Variants in HDGFL2 observed in about 807,000 individuals in gnomAD.
The protein encoded by HDGFL2 is hepatoma-derived growth factor-related protein 2.
Under a neutral mutation model 77.1 loss-of-function variants are expected in HDGFL2, and 36 were observed. The ratio of observed to expected loss-of-function variants is 0.47; its 90% CI spans 0.36 to 0.62. The LOEUF is 0.62. Among genes scored for constraint, HDGFL2 ranks in the 20% least tolerant of loss-of-function variants. The pLI is 0.00. For missense variants in HDGFL2, 976 were observed against 973.4 expected (o/e 1.00, Z -0.04); for synonymous variants, 463 against 413.1 (o/e 1.12, Z -1.46).
At chr19:4,472,919 G>A (rs1180141514) in intron 1 of HDGFL2, among the ~76,000 whole-genome samples, 1 of 150,858 alleles carries the variant, frequency 6.6e-6, no homozygotes, top group African/African-American at 2.4e-5. Flanking sequence ...CTGGGCCTCA[G>A]GGGGCCGCGC....
Position 4,501,176 on chromosome 19 carries a change from C to T in HDGFL2, c.1790-15C>T. 6.2e-7 allele frequency: 1 copy of T among 1,612,894 alleles called. No homozygotes were observed. The highest frequency in any genetic ancestry group is 8.5e-7 in the Non-Finnish European group (1 of 1,179,722). ...GGAGCCCAGCAGTGTCCTGTGACCC[C>T]TCTGTCCCACCCAGATCTCTCAGCC... is the stretch of plus-strand genomic sequence containing the variant. On this transcript the variant is annotated splice_polypyrimidine_tract_variant and intron_variant, in intron 14 of 15. Coordinates refer to ENST00000616600, the MANE Select transcript of HDGFL2 (RefSeq NM_001001520.3).
chr19:4,501,361 G>A lies in HDGFL2; in HGVS notation c.1916+44G>A, dbSNP rs370290706. Reference sequence around the variant, plus strand: ...GGGGTTTGGACTCCTGAGCGGCAGCGGTGTGACGCGCACCCTGGGTCCGAG... The same window carrying A: ...GGGGTTTGGACTCCTGAGCGGCAGCAGTGTGACGCGCACCCTGGGTCCGAG... On this transcript the variant is annotated intron_variant, in intron 15 of 15. Transcript: ENST00000616600. The A allele has an allele frequency of 2.9e-4, 443 of 1,545,536 alleles. 4 individuals are homozygous for A. The highest frequency in any genetic ancestry group is 1.5e-3 in the Middle Eastern group (7 of 4,520).
chr19:4,474,330 G>A (rs1975015724), intron 1 of HDGFL2, among the ~76,000 whole-genome samples: 1 of 152,166 alleles, frequency 6.6e-6, no homozygotes, highest in Admixed American at 6.5e-5. Flanking sequence ...CTTGGGAGAA[G>A]CGGGGCTGTG....
chr19:4,501,583 G>A lies in HDGFL2; in HGVS notation c.1916+266G>A, dbSNP rs544088227. 2.7e-4 allele frequency: 128 copies of A among 480,140 alleles called. 1 individual carries two copies. The South Asian group carries it at 4.0e-3, about 15-fold the overall frequency. The allele number at this position is 480,140 out of a possible 1,614,324, so 29.7% of individuals were successfully genotyped here. ...TGGCTTCTTGCCGAGCCTCCAGGGT[G>A]GCCCAGGTAGGTAGGCCCCGAGCAC... On this transcript the variant is annotated intron_variant, in intron 15 of 15. Transcript: ENST00000616600.
At chr19:4,487,537 G>A (rs1387008260) in intron 3 of HDGFL2, among the ~76,000 whole-genome samples, 3 of 152,166 alleles carry the variant, frequency 2.0e-5, no homozygotes, top group South Asian at 2.1e-4. Context: ...GATTACAGGC[G>A]TGAGCCACCA....
rs1040951798 is a variant in HDGFL2, at chr19:4,491,559, C to A, written c.490-7C>A. ...ATCACTGAGCATTCAGGCCGTTCCC[C>A]TTCCAGATGTCGGTCTCGAAACGAG... On this transcript the variant is annotated splice_polypyrimidine_tract_variant and splice_region_variant and intron_variant, in intron 4 of 15. Coordinates refer to ENST00000616600, the MANE Select transcript of HDGFL2 (RefSeq NM_001001520.3). 6.2e-7 allele frequency: 1 copy of A among 1,613,206 alleles called. No individual in the cohort carries two copies. Among genetic ancestry groups the A allele is most frequent in the Non-Finnish European group, 8.5e-7 (1 of 1,179,578 alleles).
chr19:4,488,585 C>T (rs118167352), intron 3 of HDGFL2, 91 bp from the exon 4 acceptor site: 12,934 of 1,139,780 alleles, frequency 0.011, 105 homozygotes, highest in Non-Finnish European at 0.014. Flanking sequence ...CAGGATCCCG[C>T]ATGTGGTTGC....
intron 4 of HDGFL2, among the ~76,000 whole-genome samples, chr19:4,490,850 C>T (rs1160129629): frequency 6.7e-6 from 1 of 149,756 alleles, no homozygotes; most frequent in African/African-American, 2.5e-5. Flanking sequence ...TCACTCTTGT[C>T]ACCCAGGCTG....
intron 4 of HDGFL2, among the ~76,000 whole-genome samples, chr19:4,490,181 G>A (rs567417307): frequency 9.2e-5 from 14 of 152,220 alleles, no homozygotes; most frequent in African/African-American, 2.9e-4. Context: ...TCCACCTCCC[G>A]GGTTCAAGCA....
Position 4,494,227 on chromosome 19 carries a change from G to A in HDGFL2, c.976G>A (p.Glu326Lys), listed in dbSNP as rs910101282. 13 of 1,463,730 alleles carry A rather than the reference G, an allele frequency of 8.9e-6. No homozygotes were observed. Among genetic ancestry groups the A allele is most frequent in the South Asian group, 1.4e-5 (1 of 71,770 alleles). The allele number at this position is 1,463,730 out of a possible 1,614,324, so 90.7% of individuals were successfully genotyped here. ...GCGGCGGGACGAGGCGCGGAGGCGC[G>A]AGCTGGAGGCCCGGCGGCGGCGAGA... ...WKRRDEARRR[E>K]LEARRRREQE... Residue 326 changes from glutamate to lysine, a missense_variant, in exon 9 of 16, where the codon GAG becomes AAG. This residue lies in a region of HDGFL2 where 567 missense variants were observed against 534.7 expected (regional missense o/e 1.06). Transcript: ENST00000616600.
Position 4,488,866 on chromosome 19 carries a change from C to A in HDGFL2, c.479C>A (p.Pro160His). 1.3e-6 allele frequency: 2 copies of A among 1,551,416 alleles called. No homozygotes were observed. Among genetic ancestry groups the A allele is most frequent in the Non-Finnish European group, 1.7e-6 (2 of 1,146,964 alleles). ...AACAGTGGCCTGAAGAGGAAGACGC[C>A]TGCGCTAAAGGTAGGGGAGGACCAA... is the stretch of plus-strand genomic sequence containing the variant. ...SDNSGLKRKT[P>H]ALKMSVSKRA... The change falls in exon 4 of 16, where the codon CCT becomes CAT. Residue 160 changes from proline (P) to histidine (H), a missense_variant. Transcript: ENST00000616600.
chr19:4,472,490 G>A, intron 1 of HDGFL2, 68 bp downstream of exon 1: 1 of 980,372 alleles, frequency 1.0e-6, no homozygotes, highest in Non-Finnish European at 1.3e-6. Context: ...CGGGCCGGAG[G>A]CGGGCACTGG....
chr19:4,493,066 CTGTG>C lies in HDGFL2; in HGVS notation c.679-632_679-629del, dbSNP rs529055451. Among the ~76,000 whole-genome samples the C allele has an allele frequency of 5.6e-3, 389 of 70,034 alleles. 2 individuals are homozygous for C. The highest frequency in any genetic ancestry group is 0.023 in the African/African-American group (364 of 15,504). 45.9% of individuals were successfully genotyped at this position (70,034 alleles called of 152,430 possible). A position where few individuals can be genotyped will look rare whatever the true frequency, so the allele number is the denominator to read the frequency against. On this transcript the variant is annotated intron_variant, in intron 6 of 15. Transcript: ENST00000616600. ...GGTATCTGTGTGGTGTGTGTGTTGTCTGTGTGTGGTGTGTGTGTGTTATCTGTGT... is the reference window on the plus strand; with the variant it reads ...GGTATCTGTGTGGTGTGTGTGTTGTCTGTGGTGTGTGTGTGTTATCTGTGT...
chr19:4,492,699 G>C (rs1464281508), intron 6 of HDGFL2, among the ~76,000 whole-genome samples: 1 of 141,612 alleles, frequency 7.1e-6, no homozygotes, highest in Non-Finnish European at 1.6e-5. Context: ...TGTGTGGTAT[G>C]TGTTGTCTGT....
Position 4,472,836 on chromosome 19 carries a change from C to T in HDGFL2, c.72+414C>T, listed in dbSNP as rs1360358275. On this transcript the variant is annotated intron_variant, in intron 1 of 15. Transcript: ENST00000616600. ...CTCCCGGGGTCTGGGGGTCCTCGGC[C>T]TCAGGGAGCTGCGTCCTGGGGTTCT... is the stretch of plus-strand genomic sequence containing the variant. Among the ~76,000 whole-genome samples the T allele has an allele frequency of 2.0e-5, 3 of 148,014 alleles. No individual in the cohort carries two copies. In the East Asian group the frequency reaches 6.2e-4, roughly 31 times the overall value.
chr19:4,473,281 G>C (rs1481152260), intron 1 of HDGFL2, among the ~76,000 whole-genome samples: 1 of 149,940 alleles, frequency 6.7e-6, no homozygotes, highest in African/African-American at 2.5e-5. Flanking sequence ...AGGAAGCTGC[G>C]CTCTGGGGGT....
chr19:4,480,729 T>A (rs968165126), intron 3 of HDGFL2, among the ~76,000 whole-genome samples: 3 of 151,948 alleles, frequency 2.0e-5, no homozygotes, highest in African/African-American at 7.2e-5. Context: ...AAAAAAAAAG[T>A]GGGAGCTGGG....
intron 9 of HDGFL2, among the ~76,000 whole-genome samples, chr19:4,495,750 T>C (rs565655031): frequency 1.2e-4 from 18 of 152,182 alleles, no homozygotes; most frequent in African/African-American, 4.3e-4. Context: ...GGGTACAGCT[T>C]GCAGGTGAGC....
rs1975911488 is a variant in HDGFL2 at position 4,501,975 on chromosome 19, C to CG, written c.1987dup (p.Asp663GlyfsTer?). On this transcript the variant is annotated frameshift_variant, in exon 16 of 16. Transcript: ENST00000616600. LOFTEE classifies it high-confidence loss of function. ...CGACCGGCAGGAGCGCGAGAGGGCA[C>CG]GGGGGGACTCGGAGGCCCTGGACGA... 2 of 1,511,868 alleles carry CG rather than the reference C, an allele frequency of 1.3e-6. No individual in the cohort carries two copies. 93.7% of individuals were successfully genotyped at this position (1,511,868 alleles called of 1,614,324 possible).
Sources: allele counts gnomAD v4.1 joint callset (sites outside exome capture counted in the v4.1 genomes callset), GRCh38; gene constraint gnomAD v4.1.1; regional missense constraint gnomAD v4.1.1; transcripts MANE v1.5; gene names NCBI Gene and HGNC (gene_info 2026-07-23, HGNC 2026-07-21).